MAF: variants seen among roughly 807,000 people sequenced by gnomAD.
The protein encoded by MAF is transcription factor Maf.
In MAF, 10 loss-of-function variants were observed where a neutral mutation model predicts 22.0. The observed-to-expected ratio is 0.45, with a 90% confidence interval of 0.28 to 0.77. The LOEUF (loss-of-function observed/expected upper bound fraction) is 0.77, where lower values mean the gene tolerates loss of function less well. MAF is among the 30% of genes least tolerant of loss of function. MAF has a pLI of 0.12. For synonymous variants in MAF, 337 were observed against 255.8 expected (o/e 1.32, Z -3.03); for missense variants, 544 against 548.4 (o/e 0.99, Z 0.08).
the MAF span, among the ~76,000 whole-genome samples, chr16:79,507,340 TCTC>T: frequency 2.0e-5 from 3 of 151,724 alleles, no homozygotes; most frequent in Non-Finnish European, 4.4e-5. Flanking sequence ...ATGGTCTTGA[TCTC>T]CTGACATTGT....
chr16:79,423,173 A>G, the MAF span, among the ~76,000 whole-genome samples: 31 of 152,246 alleles, frequency 2.0e-4, no homozygotes, highest in African/African-American at 6.8e-4. Flanking sequence ...CAAATATTGC[A>G]TAGGATGTAC....
At chr16:79,314,112 G>T in the MAF span, among the ~76,000 whole-genome samples, 390 of 152,310 alleles carry the variant, frequency 2.6e-3, 8 homozygotes, top group Admixed American at 0.023. Flanking sequence ...TCATGCTGAT[G>T]TGATTTCCGT....
At chr16:79,445,010 G>T in the MAF span, among the ~76,000 whole-genome samples, 1 of 152,034 alleles carries the variant, frequency 6.6e-6, no homozygotes, top group African/African-American at 2.4e-5. Flanking sequence ...AAAATACATT[G>T]AAACACATAA....
chr16:79,368,874 C>A, the MAF span, among the ~76,000 whole-genome samples: 2 of 152,192 alleles, frequency 1.3e-5, no homozygotes, highest in Non-Finnish European at 2.9e-5. Flanking sequence ...GAACCCTCCA[C>A]TTCTGACTTT....
the MAF span, among the ~76,000 whole-genome samples, chr16:79,305,130 T>C: frequency 6.6e-6 from 1 of 152,138 alleles, no homozygotes; most frequent in Admixed American, 6.5e-5. Context: ...AGAAACAAGG[T>C]CATGCCAGCA....
chr16:79,484,271 T>A, the MAF span, among the ~76,000 whole-genome samples: 1 of 152,200 alleles, frequency 6.6e-6, no homozygotes, highest in African/African-American at 2.4e-5. Context: ...CAACTGGTGA[T>A]GACGAGGCTG....
chr16:79,318,522 G>C, the MAF span, among the ~76,000 whole-genome samples: 1 of 152,160 alleles, frequency 6.6e-6, no homozygotes, highest in Non-Finnish European at 1.5e-5. Context: ...ACCTGCACTA[G>C]CCAGAAAAAG....
chr16:79,435,247 C>A, the MAF span, among the ~76,000 whole-genome samples: 1 of 121,808 alleles, frequency 8.2e-6, no homozygotes, highest in Admixed American at 8.2e-5. Flanking sequence ...TGCGACTGTG[C>A]ACACACACAC....
At chr16:79,431,287 C>T in the MAF span, among the ~76,000 whole-genome samples, 1 of 152,178 alleles carries the variant, frequency 6.6e-6, no homozygotes, top group African/African-American at 2.4e-5. Flanking sequence ...GATACTTAGG[C>T]TGCTGAGGAC....
the MAF span, among the ~76,000 whole-genome samples, chr16:79,215,715 T>C: frequency 6.6e-6 from 1 of 152,284 alleles, no homozygotes; most frequent in South Asian, 2.1e-4. Flanking sequence ...ATACATTCAT[T>C]CATTTAACAA....
At chr16:79,546,196 T>A in the MAF span, among the ~76,000 whole-genome samples, 1 of 152,168 alleles carries the variant, frequency 6.6e-6, no homozygotes, top group African/African-American at 2.4e-5. Context: ...AGTTCTATCA[T>A]TGTGAGAACA....
chr16:79,413,884 G>A, the MAF span, among the ~76,000 whole-genome samples: 1 of 152,138 alleles, frequency 6.6e-6, no homozygotes, highest in Non-Finnish European at 1.5e-5. Context: ...GCAAAAGTAG[G>A]CCACATTCCC....
chr16:79,364,747 A>G, the MAF span, among the ~76,000 whole-genome samples: 2 of 152,216 alleles, frequency 1.3e-5, no homozygotes, highest in East Asian at 3.9e-4. Context: ...GAGAATCTTC[A>G]AGGCAGGGTC....
the MAF span, among the ~76,000 whole-genome samples, chr16:79,395,230 G>A: frequency 6.6e-6 from 1 of 152,186 alleles, no homozygotes; most frequent in African/African-American, 2.4e-5. Context: ...GGGCCTGGAT[G>A]CAAACCAAGG....
chr16:79,550,850 A>AC, the MAF span, among the ~76,000 whole-genome samples: 78 of 152,046 alleles, frequency 5.1e-4, no homozygotes, highest in African/African-American at 1.8e-3. Flanking sequence ...AACCCAGAGG[A>AC]CCCCCAGGGA....
At chr16:79,236,298 C>G in the MAF span, among the ~76,000 whole-genome samples, 3 of 152,022 alleles carry the variant, frequency 2.0e-5, no homozygotes, top group Admixed American at 2.0e-4. Flanking sequence ...GGGACACAGT[C>G]TGTGTCCTCT....
chr16:79,465,372 C>T, the MAF span, among the ~76,000 whole-genome samples: 16 of 152,250 alleles, frequency 1.1e-4, no homozygotes, highest in East Asian at 9.7e-4. Context: ...GCGGGCAGAT[C>T]GCTTGAGCCC....
At chr16:79,420,644 G>A in the MAF span, among the ~76,000 whole-genome samples, 1 of 152,174 alleles carries the variant, frequency 6.6e-6, no homozygotes, top group Non-Finnish European at 1.5e-5. Context: ...TTTAGCTGTT[G>A]CTCGGCAGTG....
the MAF span, among the ~76,000 whole-genome samples, chr16:79,389,431 T>C: frequency 6.6e-6 from 1 of 152,008 alleles, no homozygotes; most frequent in Non-Finnish European, 1.5e-5. Flanking sequence ...CAATGTTTTG[T>C]ATTTTTAGTA....
Sources: allele counts gnomAD v4.1 joint callset (sites outside exome capture counted in the v4.1 genomes callset), GRCh38; gene constraint gnomAD v4.1.1; transcripts MANE v1.5; gene names NCBI Gene and HGNC (gene_info 2026-07-23, HGNC 2026-07-21).